Variants in TARP observed in about 807,000 individuals in gnomAD.
At chr7:38,267,574 A>G in the TARP span, among the ~76,000 whole-genome samples, 2 of 150,774 alleles carry the variant, frequency 1.3e-5, no homozygotes, top group East Asian at 3.8e-4. Flanking sequence ...ATATACAGAA[A>G]TATTAATTTG....
chr7:38,264,963 CAT>C, the TARP span, among the ~76,000 whole-genome samples: 1 of 151,282 alleles, frequency 6.6e-6, no homozygotes, highest in Admixed American at 6.6e-5. Context: ...TCCTGAAAGA[CAT>C]ATATATGTTA....
At chr7:38,267,498 G>A in the TARP span, among the ~76,000 whole-genome samples, 1 of 150,982 alleles carries the variant, frequency 6.6e-6, no homozygotes, top group African/African-American at 2.4e-5. Context: ...CAGAAGAAAA[G>A]AAAACAGTCT....
chr7:38,270,218 C>T, the TARP span, among the ~76,000 whole-genome samples: 10,356 of 150,698 alleles, frequency 0.069, 6 homozygotes, highest in African/African-American at 0.24. Flanking sequence ...CCTATAGGAC[C>T]AAGCATTGCC....
At chr7:38,267,310 C>A in the TARP span, among the ~76,000 whole-genome samples, 1 of 151,858 alleles carries the variant, frequency 6.6e-6, no homozygotes, top group Non-Finnish European at 1.5e-5. Flanking sequence ...AAAGGCATAT[C>A]ACTTGAATCT....
the TARP span, among the ~76,000 whole-genome samples, chr7:38,264,552 T>C: frequency 6.7e-6 from 1 of 149,504 alleles, no homozygotes; most frequent in African/African-American, 2.5e-5. Context: ...GATCATACCA[T>C]AGCACACCTG....
chr7:38,270,284 C>G, the TARP span, among the ~76,000 whole-genome samples: 438 of 151,852 alleles, frequency 2.9e-3, no homozygotes, highest in Middle Eastern at 0.014. Context: ...AGCAATTAAG[C>G]AGGAGGAATA....
At chr7:38,262,449 T>TA in the TARP span, among the ~76,000 whole-genome samples, 1 of 150,984 alleles carries the variant, frequency 6.6e-6, no homozygotes, top group Non-Finnish European at 1.5e-5. Flanking sequence ...TTTTCTTTTT[T>TA]ATCACAACTG....
chr7:38,261,728 C>T, the TARP span, among the ~76,000 whole-genome samples: 14 of 150,640 alleles, frequency 9.3e-5, no homozygotes, highest in Non-Finnish European at 1.6e-4. Context: ...AAAAATTAGC[C>T]GGGCATGGTG....
the TARP span, among the ~76,000 whole-genome samples, chr7:38,267,118 T>C: frequency 6.6e-6 from 1 of 151,708 alleles, no homozygotes; most frequent in South Asian, 2.1e-4. Flanking sequence ...TTTTGACTCT[T>C]TATGTCTCTC....
the TARP span, among the ~76,000 whole-genome samples, chr7:38,263,181 T>C: frequency 2.6e-5 from 4 of 152,034 alleles, no homozygotes; most frequent in Non-Finnish European, 5.9e-5. Flanking sequence ...GTACTCATTA[T>C]TGTGTCAGGC....
At chr7:38,268,931 C>A in the TARP span, among the ~76,000 whole-genome samples, 1 of 151,056 alleles carries the variant, frequency 6.6e-6, no homozygotes, top group Non-Finnish European at 1.5e-5. Flanking sequence ...TTGGGTTGGA[C>A]AATGTGCCAA....
At chr7:38,261,925 C>CT in the TARP span, among the ~76,000 whole-genome samples, 5 of 148,878 alleles carry the variant, frequency 3.4e-5, no homozygotes, top group African/African-American at 7.4e-5. Context: ...TGAATAAAAT[C>CT]TTTTTTTTGA....
At chr7:38,272,130 G>A in the TARP span, among the ~76,000 whole-genome samples, 1 of 151,104 alleles carries the variant, frequency 6.6e-6, no homozygotes, top group Admixed American at 6.6e-5. Flanking sequence ...TTTAGACATA[G>A]AAAGCATTTT....
the TARP span, chr7:38,273,635 C>T: frequency 6.3e-7 from 1 of 1,596,634 alleles, no homozygotes; most frequent in Admixed American, 1.7e-5. Context: ...ATTTTTTTGC[C>T]CAACTCTTGC....
At chr7:38,271,608 CTG>C in the TARP span, among the ~76,000 whole-genome samples, 1 of 151,034 alleles carries the variant, frequency 6.6e-6, no homozygotes, top group Admixed American at 6.6e-5. Context: ...GGTAATGTCT[CTG>C]TAGTTTTTAC....
At chr7:38,267,930 G>T in the TARP span, among the ~76,000 whole-genome samples, 189 of 151,204 alleles carry the variant, frequency 1.2e-3, no homozygotes, top group African/African-American at 4.2e-3. Context: ...AGCATTCATT[G>T]CCTCTTGTCC....
chr7:38,266,002 A>G, the TARP span, among the ~76,000 whole-genome samples: 17,438 of 151,086 alleles, frequency 0.12, 1,347 homozygotes, highest in African/African-American at 0.21. Context: ...CAGGGCTTCC[A>G]AAGTTCATGA....
chr7:38,268,943 T>C, the TARP span, among the ~76,000 whole-genome samples: 2 of 151,314 alleles, frequency 1.3e-5, no homozygotes, highest in Non-Finnish European at 2.9e-5. Flanking sequence ...ATGTGCCAAG[T>C]ACTTAATTCA....
At chr7:38,271,597 G>A in the TARP span, among the ~76,000 whole-genome samples, 57 of 151,248 alleles carry the variant, frequency 3.8e-4, no homozygotes, top group African/African-American at 1.1e-3. Flanking sequence ...TTATTACTTG[G>A]GGTAATGTCT....
Sources: gnomAD v4.1 joint callset for allele counts (sites outside exome capture counted in the v4.1 genomes callset) on GRCh38, gnomAD v4.1.1 for gene constraint, MANE v1.5 for transcripts.